Variants in ASB7 observed in about 807,000 individuals in gnomAD.
The protein encoded by ASB7 is ankyrin repeat and SOCS box containing 7.
ASB7 carries 4 observed loss-of-function variants against 32.5 expected under a neutral mutation model. The observed-to-expected ratio is 0.12, with a 90% confidence interval of 0.06 to 0.28. ASB7 has a LOEUF of 0.28. Among genes scored for constraint, ASB7 ranks in the 10% least tolerant of loss-of-function variants. ASB7 has a pLI of 1.00. For missense variants in ASB7, 181 were observed against 407.1 expected (o/e 0.44, Z 4.78); for synonymous variants, 172 against 155.6 (o/e 1.11, Z -0.78).
rs780278277 is a variant in ASB7, at chr15:100,629,238, C to T, written c.212-199C>T. 2.0e-5 allele frequency among the ~76,000 whole-genome samples: 3 copies of T among 152,182 alleles called. No individual in the cohort carries two copies. The highest frequency in any genetic ancestry group is 4.4e-5 in the Non-Finnish European group (3 of 68,044). On this transcript the variant is annotated intron_variant, in intron 4 of 5. Coordinates refer to ENST00000332783, the MANE Select transcript of ASB7 (RefSeq NM_198243.3). The surrounding 1 kb of genome is among the most constrained non-coding windows in gnomAD (Gnocchi z 6.8). ...GTCTTTCTCCTTTCATTAACCCAGA[C>T]GTGATAACATTCTACAAAATTTATT...
intron 4 of ASB7, among the ~76,000 whole-genome samples, chr15:100,622,280 A>G (rs994050813): frequency 6.6e-6 from 1 of 152,182 alleles, no homozygotes; most frequent in African/African-American, 2.4e-5. Flanking sequence ...AAGGAAAACT[A>G]CAAAGCACTG....
intron 5 of ASB7, among the ~76,000 whole-genome samples, chr15:100,636,376 T>G (rs1481976840): frequency 1.3e-5 from 2 of 152,190 alleles, no homozygotes; most frequent in Non-Finnish European, 2.9e-5. Flanking sequence ...AGTTTATCAT[T>G]TTTACTTAAA....
At position 100,611,484 on chromosome 15, in the gene ASB7, C is replaced by CTTTTTTTTTTTTTTT. The variant is rs61153969; in HGVS notation, c.-51-669_-51-668insTTTTTTTTTTTTTTT. 6.1e-4 allele frequency among the ~76,000 whole-genome samples: 47 copies of CTTTTTTTTTTTTTTT among 77,148 alleles called. 9 individuals carry two copies. Among genetic ancestry groups the CTTTTTTTTTTTTTTT allele is most frequent in the Non-Finnish European group, 7.9e-4 (34 of 43,154 alleles). 50.6% of individuals were successfully genotyped at this position (77,148 alleles called of 152,430 possible). Reference sequence around the variant, plus strand: ...GGTTAATCACCAGATTGTTTCGATTCTTTTTTTTTTTTTGAGACAGAATTT... The same window carrying CTTTTTTTTTTTTTTT: ...GGTTAATCACCAGATTGTTTCGATTCTTTTTTTTTTTTTTTTTTTTTTTTTTTTGAGACAGAATTT... On this transcript the variant is annotated intron_variant, in intron 3 of 5. Coordinates refer to ENST00000332783, the MANE Select transcript of ASB7 (RefSeq NM_198243.3).
chr15:100,642,773 A>C (rs2039970339), intron 5 of ASB7, among the ~76,000 whole-genome samples: 2 of 152,248 alleles, frequency 1.3e-5, no homozygotes, highest in Non-Finnish European at 2.9e-5. Flanking sequence ...GCGGTGGCTC[A>C]TGCCTGCCAT....
In ASB7 at chr15:100,602,806, CA is replaced by C; in HGVS notation, c.-512del. ...GAGCCCTGGACCGGGACTGCCCCCC[CA>C]CCCGAGCCAGGACTTCCTCCCTGCC... is the stretch of plus-strand genomic sequence containing the variant. On this transcript the variant is annotated 5_prime_UTR_variant, in exon 1 of 6. It introduces an in-frame stop codon into an upstream open reading frame of the 5' UTR. Transcript: ENST00000332783. 2.6e-6 allele frequency: 1 copy of C among 392,038 alleles called. No individual in the cohort carries two copies. The highest frequency in any genetic ancestry group is 4.5e-6 in the Non-Finnish European group (1 of 222,614). 24.3% of individuals were successfully genotyped at this position (392,038 alleles called of 1,614,324 possible).
intron 5 of ASB7, chr15:100,645,417 C>T (rs758730421): frequency 9.5e-6 from 3 of 316,890 alleles, no homozygotes; most frequent in South Asian, 3.3e-5. Flanking sequence ...AATTATCATT[C>T]GAGTTCATGC....
chr15:100,645,429 C>T (rs946381861), intron 5 of ASB7: 2 of 338,146 alleles, frequency 5.9e-6, no homozygotes, highest in East Asian at 6.8e-5. Context: ...AGTTCATGCC[C>T]CCCGGAATAT....
intron 2 of ASB7, among the ~76,000 whole-genome samples, chr15:100,606,063 G>C (rs373672256): frequency 2.0e-5 from 3 of 152,136 alleles, no homozygotes; most frequent in East Asian, 3.8e-4. Flanking sequence ...TGGGTTCCAG[G>C]CTCCTGATCA....
rs964186137 is a variant in ASB7, at chr15:100,650,342, C to G, written c.*1880C>G. 1 of 152,204 alleles carries G rather than the reference C, an allele frequency of 6.6e-6. No homozygotes were observed. The highest frequency in any genetic ancestry group is 2.4e-5 in the African/African-American group (1 of 41,456). The allele number at this position is 152,204 out of a possible 1,614,324, so 9.4% of individuals were successfully genotyped here. ...CCAAGCTGTATTCTCATTCTTTAAACCAATACCCAGGTCAGGGCTAGTTCA... is the reference window on the plus strand; with the variant it reads ...CCAAGCTGTATTCTCATTCTTTAAAGCAATACCCAGGTCAGGGCTAGTTCA... On this transcript the variant is annotated 3_prime_UTR_variant, in exon 6 of 6. Coordinates refer to ENST00000332783, the MANE Select transcript of ASB7 (RefSeq NM_198243.3).
intron 4 of ASB7, among the ~76,000 whole-genome samples, chr15:100,625,617 T>G (rs1479252206): frequency 2.0e-5 from 3 of 152,178 alleles, no homozygotes; most frequent in Non-Finnish European, 4.4e-5. Flanking sequence ...TTGGATCATT[T>G]TGGAGAGATT....
At chr15:100,642,998 T>C (rs543205718) in intron 5 of ASB7, among the ~76,000 whole-genome samples, 52 of 152,302 alleles carry the variant, frequency 3.4e-4, no homozygotes, top group African/African-American at 1.1e-3. Context: ...ATTGTGCCAC[T>C]GCACTCCAGG....
At chr15:100,633,683 G>C (rs1244750637) in intron 5 of ASB7, among the ~76,000 whole-genome samples, 1 of 151,268 alleles carries the variant, frequency 6.6e-6, no homozygotes, top group South Asian at 2.1e-4. Flanking sequence ...AAGGAAGGAA[G>C]GAGGGGAAGG....
intron 4 of ASB7, among the ~76,000 whole-genome samples, chr15:100,621,808 A>G (rs981396490): frequency 6.6e-6 from 1 of 152,094 alleles, no homozygotes; most frequent in African/African-American, 2.4e-5. Context: ...TAAAAAACAA[A>G]TAAGGATTCT....
intron 4 of ASB7, among the ~76,000 whole-genome samples, chr15:100,626,187 A>C (rs1166789509): frequency 6.6e-6 from 1 of 152,212 alleles, no homozygotes; most frequent in Admixed American, 6.5e-5. Flanking sequence ...TAATACAGAA[A>C]ATGAAAAAGC....
At chr15:100,641,304 C>CA (rs912543796) in intron 5 of ASB7, among the ~76,000 whole-genome samples, 61 of 152,012 alleles carry the variant, frequency 4.0e-4, no homozygotes, top group African/African-American at 1.2e-3. Flanking sequence ...GATCTGTTGA[C>CA]AAAAAAATAA....
chr15:100,617,475 C>T (rs2039753649), intron 4 of ASB7, among the ~76,000 whole-genome samples: 1 of 152,196 alleles, frequency 6.6e-6, no homozygotes, highest in South Asian at 2.1e-4. Flanking sequence ...TCTCTCCCCA[C>T]CCCTGCCCCA....
chr15:100,626,894 A>T (rs971391699), intron 4 of ASB7, among the ~76,000 whole-genome samples: 1 of 152,214 alleles, frequency 6.6e-6, no homozygotes, highest in Non-Finnish European at 1.5e-5. Context: ...TCCAGAAATG[A>T]CAAAACTTTT....
intron 5 of ASB7, chr15:100,646,613 A>G (rs181840171): frequency 5.0e-5 from 17 of 339,836 alleles, no homozygotes; most frequent in African/African-American, 3.2e-4. Flanking sequence ...TTGATGGCCT[A>G]TTTCTTGTGA....
intron 4 of ASB7, among the ~76,000 whole-genome samples, chr15:100,619,006 C>T (rs867874754): frequency 8.5e-5 from 13 of 152,134 alleles, no homozygotes; most frequent in Non-Finnish European, 1.8e-4. Context: ...GGATTCAAAC[C>T]GTTTCTTACC....
Sources: gnomAD v4.1 joint callset for allele counts (sites outside exome capture counted in the v4.1 genomes callset) on GRCh38, gnomAD v4.1.1 for gene constraint, Gnocchi (gnomAD v3.1) non-coding constraint, MANE v1.5 for transcripts, NCBI Gene and HGNC (gene_info 2026-07-23, HGNC 2026-07-21) for gene names.